Variants in MTMR3 observed in about 807,000 individuals in gnomAD.
MTMR3 encodes myotubularin related protein 3.
A neutral mutation model predicts 132.4 loss-of-function variants in MTMR3; 32 were observed. The observed-to-expected ratio is 0.24, with a 90% CI of 0.18 to 0.32. The LOEUF (loss-of-function observed/expected upper bound fraction) is 0.32, where lower values mean the gene tolerates loss of function less well. Among genes scored for constraint, MTMR3 ranks in the 10% least tolerant of loss-of-function variants. MTMR3 has a pLI of 1.00. For synonymous variants in MTMR3, 556 were observed against 550.3 expected (o/e 1.01, Z -0.14); for missense variants, 1,216 against 1,489.6 (o/e 0.82, Z 3.02).
intron 13 of MTMR3, 36 bp from the exon 14 acceptor site, chr22:30,013,320 T>C: frequency 1.2e-6 from 2 of 1,608,310 alleles, no homozygotes; most frequent in East Asian, 2.2e-5. Flanking sequence ...CTGGATAGTC[T>C]AGCACAAATG....
intron 1 of MTMR3, among the ~76,000 whole-genome samples, chr22:29,936,545 A>G (rs941054359): frequency 6.6e-6 from 1 of 152,088 alleles, no homozygotes; most frequent in African/African-American, 2.4e-5. Flanking sequence ...CTGTGGTTAG[A>G]TTAGATTTGT....
At chr22:29,938,631 T>C (rs1200912510) in intron 1 of MTMR3, among the ~76,000 whole-genome samples, 1 of 152,210 alleles carries the variant, frequency 6.6e-6, no homozygotes, top group Admixed American at 6.5e-5. Flanking sequence ...CCCACTGGTA[T>C]TCAGACCTTT....
intron 1 of MTMR3, among the ~76,000 whole-genome samples, chr22:29,895,558 A>G (rs749930498): frequency 6.6e-6 from 1 of 152,194 alleles, no homozygotes; most frequent in African/African-American, 2.4e-5. Context: ...GGATGAGGCA[A>G]AACTTCGTAG....
At chr22:29,962,408 T>TG (rs2066329960) in intron 2 of MTMR3, among the ~76,000 whole-genome samples, 1 of 152,188 alleles carries the variant, frequency 6.6e-6, no homozygotes, top group Non-Finnish European at 1.5e-5. Context: ...GGCTAATGAC[T>TG]GTAATCCCAG....
intron 18 of MTMR3, 94 bp downstream of exon 18, chr22:30,022,233 A>G (rs2067779068): frequency 3.3e-6 from 3 of 902,304 alleles, no homozygotes; most frequent in Non-Finnish European, 5.3e-6. Context: ...TGGCCAAGGA[A>G]GCACCTCCCA....
At position 29,889,828 on chromosome 22, in the gene MTMR3, G is replaced by T. The variant is rs184865820; in HGVS notation, c.-138+6469G>T. Among the ~76,000 whole-genome samples the T allele has an allele frequency of 1.6e-3, 243 of 151,660 alleles. 1 individual carries two copies. The highest frequency in any genetic ancestry group is 5.6e-3 in the African/African-American group (232 of 41,324). ...GGATATTGTCAATTTTTCTCTTAAA[G>T]CAGTACTGTGATGAACTCGTTTGGA... On this transcript the variant is annotated intron_variant, in intron 1 of 19. Coordinates refer to ENST00000401950, the MANE Select transcript of MTMR3 (RefSeq NM_021090.4).
At chr22:29,978,226 T>C (rs921641295) in intron 3 of MTMR3, 6 of 397,196 alleles carry the variant, frequency 1.5e-5, no homozygotes, top group South Asian at 3.5e-5. Flanking sequence ...CTAACCTCTT[T>C]GACATTTTTT....
chr22:30,002,845 C>T, intron 8 of MTMR3, 35 bp from the exon 9 acceptor site: 1 of 1,520,674 alleles, frequency 6.6e-7, no homozygotes, highest in Non-Finnish European at 9.1e-7. Flanking sequence ...CTCTCTTATC[C>T]CCTTGACTCT....
rs539839554 is a variant in MTMR3 at position 30,030,770 on chromosome 22, C to G, written c.*4969C>G. 6.6e-6 allele frequency: 1 copy of G among 152,288 alleles called. No homozygotes were observed. Among genetic ancestry groups the G allele is most frequent in the Admixed American group, 6.5e-5 (1 of 15,270 alleles). The allele number at this position is 152,288 out of a possible 1,614,324, so 9.4% of individuals were successfully genotyped here. On this transcript the variant is annotated 3_prime_UTR_variant, in exon 20 of 20. Coordinates refer to ENST00000401950, the MANE Select transcript of MTMR3 (RefSeq NM_021090.4). The stretch of plus-strand genomic sequence containing the variant: ...CTCTGGGGCCTCGTGGAGAGGGAGC[C>G]TCCAGGCCCATTCAAAGCTTTATTA...
intron 12 of MTMR3, chr22:30,011,716 G>A (rs898037492): frequency 2.6e-5 from 4 of 152,282 alleles, no homozygotes; most frequent in African/African-American, 9.6e-5. Flanking sequence ...AATCCAGTCT[G>A]TGTTGAGCCC....
intron 16 of MTMR3, 81 bp from the exon 17 acceptor site, chr22:30,019,399 C>T (rs2067689391): frequency 1.5e-6 from 2 of 1,342,016 alleles, no homozygotes; most frequent in Middle Eastern, 3.8e-4. Flanking sequence ...TATGAAACAA[C>T]TGCTTGTTAA....
intron 3 of MTMR3, among the ~76,000 whole-genome samples, chr22:29,973,136 A>G (rs192881289): frequency 2.0e-5 from 3 of 152,344 alleles, no homozygotes; most frequent in Admixed American, 2.0e-4. Context: ...ATTCAGGAGC[A>G]TTGAACATTC....
chr22:29,961,828 A>C (rs1243556753), intron 2 of MTMR3, among the ~76,000 whole-genome samples: 1 of 152,214 alleles, frequency 6.6e-6, no homozygotes, highest in Non-Finnish European at 1.5e-5. Context: ...GTACCATTTT[A>C]ATCTTTTGTA....
At chr22:29,913,561 C>G (rs959184376) in intron 1 of MTMR3, among the ~76,000 whole-genome samples, 16 of 152,160 alleles carry the variant, frequency 1.1e-4, no homozygotes, top group African/African-American at 3.1e-4. Flanking sequence ...TAAATGAAAT[C>G]ATACAGGATA....
chr22:29,970,928 C>A (rs1277269983), intron 2 of MTMR3, 48 bp from the exon 3 acceptor site: 2 of 832,338 alleles, frequency 2.4e-6, no homozygotes, highest in African/African-American at 2.4e-5. Flanking sequence ...ATTTTGCCTC[C>A]CCTCCTCTTT....
Position 30,020,112 on chromosome 22 carries a change from T to C in MTMR3, c.2453T>C (p.Val818Ala). The change falls in exon 17 of 20, where the codon GTT (valine) becomes GCT (alanine). Residue 818 changes from valine to alanine, a missense_variant. This residue lies in a region of MTMR3 where 852 missense variants were observed against 852.0 expected (regional missense o/e 1.00). Transcript: ENST00000401950. ...AVLPIPVDAKVGYGTSQSCSL... is the reference protein window; with the variant it reads ...AVLPIPVDAKAGYGTSQSCSL... The stretch of plus-strand genomic sequence containing the variant: ...CTTCCAATCCCAGTAGATGCAAAAG[T>C]TGGCTATGGTACCTCACAGTCATGT... 6.2e-7 allele frequency: 1 copy of C among 1,614,196 alleles called. No homozygotes were observed. Among genetic ancestry groups the C allele is most frequent in the African/African-American group, 1.3e-5 (1 of 75,068 alleles).
At chr22:29,889,824 T>TA (rs2064757676) in intron 1 of MTMR3, among the ~76,000 whole-genome samples, 1 of 152,094 alleles carries the variant, frequency 6.6e-6, no homozygotes, top group Non-Finnish European at 1.5e-5. Context: ...ATTTTTCTCT[T>TA]AAAGCAGTAC....
chr22:29,954,667 A>G (rs2066153358), intron 1 of MTMR3, among the ~76,000 whole-genome samples: 1 of 152,194 alleles, frequency 6.6e-6, no homozygotes. Context: ...AGAATAAATT[A>G]TCACGTGATT....
chr22:29,943,740 T>C (rs9306466), intron 1 of MTMR3, among the ~76,000 whole-genome samples: 23,741 of 150,818 alleles, frequency 0.16, 2,012 homozygotes, highest in South Asian at 0.24. Context: ...CATGATAGAC[T>C]TTTAGTTTAG....
Sources: allele counts gnomAD v4.1 joint callset (sites outside exome capture counted in the v4.1 genomes callset), GRCh38; gene constraint gnomAD v4.1.1; regional missense constraint gnomAD v4.1.1; transcripts MANE v1.5; gene names NCBI Gene and HGNC (gene_info 2026-07-23, HGNC 2026-07-21).